The following AFG2A variants were observed in gnomAD, a reference collection of about 807,000 sequenced individuals.
The protein encoded by AFG2A is AAA ATPase AFG2A, also known as ATPase family gene 2 protein homolog A.
the AFG2A span, among the ~76,000 whole-genome samples, chr4:122,980,825 A>G: frequency 6.6e-6 from 1 of 151,746 alleles, no homozygotes; most frequent in East Asian, 1.9e-4. Flanking sequence ...TCCTTTGCCC[A>G]TTTTTAATCA....
the AFG2A span, among the ~76,000 whole-genome samples, chr4:123,125,789 C>T: frequency 2.0e-5 from 3 of 152,140 alleles, no homozygotes; most frequent in African/African-American, 2.4e-5. Context: ...GTCCAGCCTC[C>T]GGTTTTGTTT....
chr4:122,934,733 G>C, the AFG2A span: 2 of 1,563,702 alleles, frequency 1.3e-6, no homozygotes, highest in Non-Finnish European at 1.7e-6. Context: ...CTTTTCAAGA[G>C]TTATGGTATG....
the AFG2A span, among the ~76,000 whole-genome samples, chr4:123,058,331 A>T: frequency 6.6e-6 from 1 of 152,132 alleles, no homozygotes; most frequent in Non-Finnish European, 1.5e-5. Context: ...CCCTTATAAA[A>T]CCGTCAGATC....
chr4:122,948,852 C>T, the AFG2A span, among the ~76,000 whole-genome samples: 11 of 152,318 alleles, frequency 7.2e-5, no homozygotes, highest in African/African-American at 1.9e-4. Flanking sequence ...CATACCCTTG[C>T]GTGGCCCTCA....
chr4:123,247,652 G>T, the AFG2A span, among the ~76,000 whole-genome samples: 2 of 151,992 alleles, frequency 1.3e-5, no homozygotes, highest in Admixed American at 6.6e-5. Flanking sequence ...GGTCTCAAAT[G>T]CCTGAGCTCA....
the AFG2A span, among the ~76,000 whole-genome samples, chr4:123,179,307 C>CTACTTACT: frequency 0.04 from 6,021 of 149,618 alleles, 138 homozygotes; most frequent in Non-Finnish European, 0.045. Context: ...CTCACACATA[C>CTACTTACT]TACTTACTTA....
the AFG2A span, among the ~76,000 whole-genome samples, chr4:123,124,590 A>T: frequency 6.6e-6 from 1 of 152,224 alleles, no homozygotes; most frequent in Non-Finnish European, 1.5e-5. Flanking sequence ...ATACATGTGT[A>T]ACAAACCTGC....
chr4:123,295,354 T>C, the AFG2A span, among the ~76,000 whole-genome samples: 2 of 152,226 alleles, frequency 1.3e-5, no homozygotes. Flanking sequence ...TCTTTCCTCT[T>C]TACTGGAATT....
the AFG2A span, among the ~76,000 whole-genome samples, chr4:123,274,954 T>A: frequency 1.3e-5 from 2 of 152,130 alleles, no homozygotes; most frequent in Admixed American, 6.6e-5. Flanking sequence ...GCTGCTTTGG[T>A]GTTGTTTTTT....
At chr4:123,247,836 ATGAT>A in the AFG2A span, among the ~76,000 whole-genome samples, 1 of 152,192 alleles carries the variant, frequency 6.6e-6, no homozygotes, top group Non-Finnish European at 1.5e-5. Flanking sequence ...ATCTCATTAA[ATGAT>A]TGGCTTTTAG....
chr4:123,031,925 G>C, the AFG2A span, among the ~76,000 whole-genome samples: 1 of 152,108 alleles, frequency 6.6e-6, no homozygotes, highest in African/African-American at 2.4e-5. Context: ...TGTGACATTT[G>C]ACATACTGTG....
the AFG2A span, among the ~76,000 whole-genome samples, chr4:123,023,885 C>T: frequency 6.6e-6 from 1 of 152,002 alleles, no homozygotes; most frequent in East Asian, 1.9e-4. Context: ...TCTCATCCGC[C>T]AGCGATTTGG....
chr4:122,996,072 G>C, the AFG2A span, among the ~76,000 whole-genome samples: 3 of 152,140 alleles, frequency 2.0e-5, no homozygotes, highest in African/African-American at 7.2e-5. Context: ...CAGCCTAACT[G>C]CCTATTGATC....
chr4:123,069,345 C>T, the AFG2A span, among the ~76,000 whole-genome samples: 1 of 152,082 alleles, frequency 6.6e-6, no homozygotes, highest in Admixed American at 6.5e-5. Context: ...AAACAAGCAC[C>T]TAAGTCAGTA....
chr4:123,072,761 A>G, the AFG2A span, among the ~76,000 whole-genome samples: 1 of 151,556 alleles, frequency 6.6e-6, no homozygotes, highest in Non-Finnish European at 1.5e-5. Flanking sequence ...TCTAACATGG[A>G]TTTCTTTAGT....
At chr4:123,090,584 T>C in the AFG2A span, 215 of 1,613,972 alleles carry the variant, frequency 1.3e-4, no homozygotes, top group Middle Eastern at 5.4e-3. Flanking sequence ...ATCAGTTCTT[T>C]AGGTGCTGGG....
At chr4:123,060,593 C>T in the AFG2A span, among the ~76,000 whole-genome samples, 1 of 152,144 alleles carries the variant, frequency 6.6e-6, no homozygotes, top group Non-Finnish European at 1.5e-5. Flanking sequence ...ATGCAGGGCA[C>T]CAAGTCCTGA....
At chr4:122,972,900 ATGT>A in the AFG2A span, among the ~76,000 whole-genome samples, 1 of 151,876 alleles carries the variant, frequency 6.6e-6, no homozygotes, top group Admixed American at 6.6e-5. Context: ...TATTATTTTG[ATGT>A]TGTTTTTTAA....
chr4:123,118,344 T>TATAATTATATTATATATAA, the AFG2A span, among the ~76,000 whole-genome samples: 3 of 32,376 alleles, frequency 9.3e-5, no homozygotes, highest in African/African-American at 1.7e-4. Flanking sequence ...ATATATTATA[T>TATAATTATATTATATATAA]TATATATATT....
Sources: allele counts gnomAD v4.1 joint callset (sites outside exome capture counted in the v4.1 genomes callset), GRCh38; gene constraint gnomAD v4.1.1; transcripts MANE v1.5; gene names NCBI Gene and HGNC (gene_info 2026-07-23, HGNC 2026-07-21).